The following GRK1 variants were observed in gnomAD, a reference collection of about 807,000 sequenced individuals.
GRK1 encodes the protein rhodopsin kinase GRK1.
GRK1 carries 28 observed loss-of-function variants against 41.7 expected under a neutral mutation model. That is an observed-to-expected ratio of 0.67 (90% CI 0.50 to 0.92). GRK1 has a LOEUF of 0.92. GRK1 is among the 40% of genes least tolerant of loss of function. The pLI is 0.00. For missense variants in GRK1, 703 were observed against 671.2 expected, an observed-to-expected ratio of 1.05 and a Z score of -0.52; for synonymous variants, 327 against 286.7, an observed-to-expected ratio of 1.14 and a Z score of -1.42.
At chr13:113,656,877 GC>G in the GRK1 span, among the ~76,000 whole-genome samples, 4 of 152,082 alleles carry the variant, frequency 2.6e-5, no homozygotes, top group East Asian at 7.7e-4. Context: ...CAAGGACCTG[GC>G]CGGCAGCCCC....
intron 1 of GRK1, 78 bp from the exon 2 acceptor site, chr13:113,669,609 G>C: frequency 6.4e-7 from 1 of 1,562,938 alleles, no homozygotes; most frequent in South Asian, 1.1e-5. Context: ...GGGCGTGGCC[G>C]GGTGCACACG....
At chr13:113,650,093 G>T in the GRK1 span, among the ~76,000 whole-genome samples, 1 of 151,822 alleles carries the variant, frequency 6.6e-6, no homozygotes, top group Non-Finnish European at 1.5e-5. This position sits in a 1 kb window ranked among gnomAD's most constrained non-coding sequence, Gnocchi z 5.0. Flanking sequence ...AGCCCAGGTG[G>T]TTGAGGCTGC....
intron 4 of GRK1, among the ~76,000 whole-genome samples, chr13:113,725,352 A>G (rs2049885099): frequency 9.9e-6 from 1 of 100,954 alleles, no homozygotes; most frequent in Admixed American, 9.4e-5. Context: ...GGGGCCGGTC[A>G]TGCGCGGTCC....
chr13:113,650,495 C>T, the GRK1 span: 66 of 1,612,526 alleles, frequency 4.1e-5, no homozygotes, highest in Admixed American at 1.2e-4. The surrounding 1 kb of genome is among the most constrained non-coding windows in gnomAD (Gnocchi z 5.0). Context: ...TGGCCGAGCT[C>T]GCGGGGCTGG....
chr13:113,652,708 C>T, the GRK1 span: 65 of 763,744 alleles, frequency 8.5e-5, no homozygotes, highest in South Asian at 2.5e-4. Flanking sequence ...AAGAACCACA[C>T]GGGACAGGTG....
chr13:113,667,383 C>T lies in GRK1; in HGVS notation c.-4C>T, dbSNP rs369265506. 168 of 1,553,876 alleles carry T rather than the reference C, an allele frequency of 1.1e-4. No homozygotes were observed. Among genetic ancestry groups the T allele is most frequent in the Admixed American group, 4.3e-4 (23 of 53,998 alleles). On this transcript the variant is annotated 5_prime_UTR_variant, in exon 1 of 7. Coordinates refer to ENST00000335678, the MANE Select transcript of GRK1 (RefSeq NM_002929.3). The surrounding 1 kb of genome is among the most constrained non-coding windows in gnomAD (Gnocchi z 7.5). Reference sequence around the variant, plus strand: ...CACGCCTGAAGCGGGCAGGAAGCTCCGGGATGGATTTCGGGTCTTTGGAGA... The same window carrying T: ...CACGCCTGAAGCGGGCAGGAAGCTCTGGGATGGATTTCGGGTCTTTGGAGA...
At chr13:113,733,267 G>T (rs887157258) in intron 6 of GRK1, among the ~76,000 whole-genome samples, 182 bp downstream of exon 6, 1 of 152,212 alleles carries the variant, frequency 6.6e-6, no homozygotes, top group Admixed American at 6.5e-5. Context: ...AGGACAAGCC[G>T]ATGGAGCCGG....
chr13:113,671,587 G>T lies in GRK1; in HGVS notation c.916G>T (p.Glu306Ter). 1 of 775,766 alleles carries T rather than the reference G, an allele frequency of 1.3e-6. No individual in the cohort carries two copies. The allele number at this position is 775,766 out of a possible 1,614,324, so 48.1% of individuals were successfully genotyped here. Residue 306 changes from glutamate (E) to a stop codon, truncating the protein, a stop_gained, in exon 3 of 7, where the codon GAG becomes TAG. Transcript: ENST00000335678. LOFTEE classifies it high-confidence loss of function. The surrounding 1 kb of genome is among the most constrained non-coding windows in gnomAD (Gnocchi z 4.1). ...FYTAQIICGL[E>*]HLHQRRIVYR... ...CACGGCGCAGATCATCTGCGGCCTG[G>T]AGCACCTGCACCAGAGGCGGATCGT... is the stretch of plus-strand genomic sequence containing the variant.
At chr13:113,726,939 TGAAGGACCAG>T (rs1041968083) in intron 4 of GRK1, among the ~76,000 whole-genome samples, 2 of 152,140 alleles carry the variant, frequency 1.3e-5, no homozygotes, top group Non-Finnish European at 2.9e-5. Flanking sequence ...TCAGGCACGG[TGAAGGACCAG>T]GAAGGACCTT....
At position 113,668,001 on chromosome 13, in the gene GRK1, G is replaced by A. The variant is rs374154941; in HGVS notation, c.615G>A (p.Ser205=). ...GGAAAGGGGGCTTCGGGGAGGTGTC[G>A]GCCTGCCAGATGAAGGCGACCGGCA... ...VLGKGGFGEV[S]ACQMKATGKL... The change falls in exon 1 of 7, where the codon TCG becomes TCA. Residue 205 remains serine, a synonymous_variant. Transcript: ENST00000335678. 3.4e-5 allele frequency: 55 copies of A among 1,611,502 alleles called. No homozygotes were observed. Among genetic ancestry groups the A allele is most frequent in the South Asian group, 3.0e-4 (27 of 90,658 alleles).
At chr13:113,653,114 C>G in the GRK1 span, 4 of 1,579,014 alleles carry the variant, frequency 2.5e-6, no homozygotes, top group Non-Finnish European at 3.4e-6. Flanking sequence ...TGCCCTGGCC[C>G]TGACGCCTGG....
chr13:113,668,151 A>AGG, intron 1 of GRK1, 66 bp downstream of exon 1: 1 of 1,493,518 alleles, frequency 6.7e-7, no homozygotes, highest in Non-Finnish European at 9.0e-7. Context: ...GGCAGGGTGC[A>AGG]GAGGGCCCCC....
the GRK1 span, chr13:113,658,222 C>T: frequency 1.5e-6 from 2 of 1,377,050 alleles, no homozygotes; most frequent in African/African-American, 1.4e-5. Flanking sequence ...CACCTCTGGG[C>T]TTTATAGTTT....
the GRK1 span, chr13:113,654,893 G>C: frequency 1.8e-5 from 29 of 1,614,242 alleles, no homozygotes; most frequent in South Asian, 2.6e-4. Context: ...ACAGGGCGAA[G>C]AGCCCAGTCA....
At chr13:113,651,159 T>C in the GRK1 span, among the ~76,000 whole-genome samples, 1 of 152,008 alleles carries the variant, frequency 6.6e-6, no homozygotes, top group African/African-American at 2.4e-5. Context: ...CCTTTGGGTG[T>C]CATGGTGGAA....
At chr13:113,661,380 A>G in the GRK1 span, among the ~76,000 whole-genome samples, 1 of 152,088 alleles carries the variant, frequency 6.6e-6, no homozygotes, top group Admixed American at 6.5e-5. Context: ...CTAAAAATGC[A>G]TATTTTAGAA....
Position 113,671,430 on chromosome 13 carries a change from G to T in GRK1, c.828-69G>T. The T allele has an allele frequency of 1.3e-6, 1 of 767,622 alleles. No homozygotes were observed. The allele number at this position is 767,622 out of a possible 1,614,324, so 47.6% of individuals were successfully genotyped here. On this transcript the variant is annotated intron_variant, in intron 2 of 6. Transcript: ENST00000335678. This position sits in a 1 kb window ranked among gnomAD's most constrained non-coding sequence, Gnocchi z 4.1. Reference sequence around the variant, plus strand: ...CGAGAGACATGGTTCTGAGGCCCCAGCTCTGTCTTTCCATGATTTTACTCC... The same window carrying T: ...CGAGAGACATGGTTCTGAGGCCCCATCTCTGTCTTTCCATGATTTTACTCC...
the GRK1 span, chr13:113,648,730 C>T: frequency 1.3e-5 from 2 of 152,198 alleles, no homozygotes; most frequent in Non-Finnish European, 2.9e-5. Context: ...CTGTGAGCGT[C>T]CTTAGGTGAC....
In GRK1 at chr13:113,667,410, C is replaced by G. The variant is rs752577779; in HGVS notation, c.24C>G (p.Thr8=). 6.3e-7 allele frequency: 1 copy of G among 1,590,164 alleles called. No homozygotes were observed. Among genetic ancestry groups the G allele is most frequent in the Non-Finnish European group, 8.6e-7 (1 of 1,167,266 alleles). MDFGSLE[T]VVANSAFIAA... ...GGATGGATTTCGGGTCTTTGGAGACCGTGGTGGCCAACTCTGCCTTCATCG... is the reference window on the plus strand; with the variant it reads ...GGATGGATTTCGGGTCTTTGGAGACGGTGGTGGCCAACTCTGCCTTCATCG... Residue 8 remains threonine, a synonymous_variant, in exon 1 of 7, where the codon ACC becomes ACG. Coordinates refer to ENST00000335678, the MANE Select transcript of GRK1 (RefSeq NM_002929.3). The surrounding 1 kb of genome is among the most constrained non-coding windows in gnomAD (Gnocchi z 7.5).
Sources: allele counts gnomAD v4.1 joint callset (sites outside exome capture counted in the v4.1 genomes callset), GRCh38; gene constraint gnomAD v4.1.1; non-coding constraint Gnocchi (gnomAD v3.1); transcripts MANE v1.5; gene names NCBI Gene and HGNC (gene_info 2026-07-23, HGNC 2026-07-21).